The following GLIS3 variants were observed in gnomAD, a reference collection of about 807,000 sequenced individuals.
GLIS3 encodes zinc finger protein GLIS3.
In GLIS3, 53 loss-of-function variants were observed where a neutral mutation model predicts 78.6. The ratio of observed to expected loss-of-function variants is 0.67; its 90% CI spans 0.54 to 0.85. The LOEUF (loss-of-function observed/expected upper bound fraction) is 0.85. Among genes scored for constraint, GLIS3 ranks in the 40% least tolerant of loss-of-function variants. The pLI is 0.00. For synonymous variants in GLIS3, 684 were observed against 509.9 expected (o/e 1.34, Z -4.60); for missense variants, 1,703 against 1,231.1 (o/e 1.38, Z -5.74).
chr9:4,080,013 A>G (rs1828417489), intron 4 of GLIS3, among the ~76,000 whole-genome samples: 1 of 152,236 alleles, frequency 6.6e-6, no homozygotes, highest in Admixed American at 6.5e-5. Context: ...CAATGATTTA[A>G]GAAGGTGACA....
the GLIS3 span, among the ~76,000 whole-genome samples, chr9:4,384,925 T>G: frequency 6.6e-6 from 1 of 151,558 alleles, no homozygotes; most frequent in Non-Finnish European, 1.5e-5. Flanking sequence ...GTCCTAACTG[T>G]CATTGTAACG....
intron 4 of GLIS3, among the ~76,000 whole-genome samples, chr9:4,087,274 G>A (rs114969448): frequency 0.027 from 4,034 of 152,170 alleles, 147 homozygotes; most frequent in African/African-American, 0.093. Flanking sequence ...TTTAGGCCAT[G>A]GATAAACATT....
chr9:4,488,880 T>C, the GLIS3 span, among the ~76,000 whole-genome samples: 1,963 of 150,732 alleles, frequency 0.013, 43 homozygotes, highest in African/African-American at 0.044. Flanking sequence ...TTCTTTTTTC[T>C]TTTTTTTTGA....
chr9:4,254,835 G>A (rs1466678039), intron 2 of GLIS3, among the ~76,000 whole-genome samples: 4 of 141,648 alleles, frequency 2.8e-5, no homozygotes, highest in South Asian at 2.2e-4. Flanking sequence ...GCAAGACTAC[G>A]TCTCAAAAAA....
At chr9:4,462,285 A>AGT in the GLIS3 span, among the ~76,000 whole-genome samples, 1 of 152,202 alleles carries the variant, frequency 6.6e-6, no homozygotes, top group African/African-American at 2.4e-5. Context: ...ATTAGGAATA[A>AGT]GTGTGTAGAA....
intron 2 of GLIS3, among the ~76,000 whole-genome samples, chr9:4,247,915 ACT>A (rs1309369168): frequency 1.3e-5 from 2 of 151,990 alleles, no homozygotes; most frequent in African/African-American, 2.4e-5. Flanking sequence ...ATTTGAAATT[ACT>A]CTCAGTTATT....
At chr9:3,927,423 G>A (rs1394298949) in intron 6 of GLIS3, among the ~76,000 whole-genome samples, 1 of 152,114 alleles carries the variant, frequency 6.6e-6, no homozygotes, top group East Asian at 1.9e-4. Flanking sequence ...AGAAACCCTT[G>A]GGTAGTACTT....
intron 2 of GLIS3, among the ~76,000 whole-genome samples, chr9:4,206,683 A>G (rs952514286): frequency 6.6e-6 from 1 of 152,244 alleles, no homozygotes; most frequent in Non-Finnish European, 1.5e-5. Context: ...GGTGTGAACC[A>G]TCCATAAATG....
intron 2 of GLIS3, among the ~76,000 whole-genome samples, chr9:4,322,529 G>C (rs116067449): frequency 0.14 from 20,815 of 152,086 alleles, 1,464 homozygotes; most frequent in East Asian, 0.25. Context: ...TAGTGTAAAA[G>C]TCTTCCTATT....
the GLIS3 span, among the ~76,000 whole-genome samples, chr9:4,475,331 C>CT: frequency 6.6e-6 from 1 of 152,156 alleles, no homozygotes; most frequent in African/African-American, 2.4e-5. Context: ...TATCCAAATG[C>CT]CCATTAAATA....
chr9:4,198,428 AAT>A (rs138772775), intron 2 of GLIS3, among the ~76,000 whole-genome samples: 6,977 of 152,286 alleles, frequency 0.046, 161 homozygotes, highest in East Asian at 0.074. Flanking sequence ...AAATTTCATC[AAT>A]AGACTGAACC....
At chr9:4,111,329 T>C (rs1306306497) in intron 4 of GLIS3, among the ~76,000 whole-genome samples, 2 of 152,216 alleles carry the variant, frequency 1.3e-5, no homozygotes, top group Non-Finnish European at 2.9e-5. Context: ...TCATTATCTA[T>C]TGTTTTTCAT....
At chr9:4,241,135 C>CT (rs1823269712) in intron 2 of GLIS3, among the ~76,000 whole-genome samples, 1 of 152,286 alleles carries the variant, frequency 6.6e-6, no homozygotes, top group East Asian at 1.9e-4. Flanking sequence ...AAACCTGCTT[C>CT]TTTGTGCACA....
chr9:4,409,072 CTT>C, the GLIS3 span, among the ~76,000 whole-genome samples: 3 of 152,048 alleles, frequency 2.0e-5, no homozygotes, highest in African/African-American at 7.2e-5. Context: ...CAAGGTGTAA[CTT>C]ATCAAATTTC....
At chr9:4,181,075 T>C (rs1817279864) in intron 2 of GLIS3, among the ~76,000 whole-genome samples, 1 of 152,172 alleles carries the variant, frequency 6.6e-6, no homozygotes, top group African/African-American at 2.4e-5. Flanking sequence ...GGCATGTCAT[T>C]CGTACTCTAA....
chr9:4,144,969 G>T (rs532619777), intron 2 of GLIS3: 1 of 152,334 alleles, frequency 6.6e-6, no homozygotes, highest in Non-Finnish European at 1.5e-5. Context: ...ATAGCTGTCA[G>T]CTCCCTTGGA....
chr9:3,867,720 TGTGTGTGTGCGTGC>T (rs752884364), intron 8 of GLIS3, among the ~76,000 whole-genome samples: 4,152 of 12,844 alleles, frequency 0.32, 93 homozygotes, highest in East Asian at 0.48. Context: ...AATTCTTGTG[TGTGTGTGTGCGTGC>T]GTGTGTGTGT....
chr9:4,298,980 C>A (rs1416295980), intron 1 of GLIS3, among the ~76,000 whole-genome samples: 1 of 152,158 alleles, frequency 6.6e-6, no homozygotes, highest in Admixed American at 6.5e-5. Flanking sequence ...CCCATCAGTT[C>A]CCACTTCGCC....
intron 2 of GLIS3, among the ~76,000 whole-genome samples, chr9:4,249,400 A>C (rs936780702): frequency 2.6e-5 from 4 of 152,098 alleles, no homozygotes; most frequent in African/African-American, 9.7e-5. Flanking sequence ...AATGGAAGTT[A>C]ACTCATGATT....
Sources: allele counts gnomAD v4.1 joint callset (sites outside exome capture counted in the v4.1 genomes callset), GRCh38; gene constraint gnomAD v4.1.1; transcripts MANE v1.5; gene names NCBI Gene and HGNC (gene_info 2026-07-23, HGNC 2026-07-21).